The following PSMD1 variants were observed in gnomAD, a reference collection of about 807,000 sequenced individuals.
PSMD1 encodes 26S proteasome non-ATPase regulatory subunit 1.
Under a neutral mutation model 119.0 loss-of-function variants are expected in PSMD1, and 18 were observed. The ratio of observed to expected loss-of-function variants is 0.15; its 90% CI spans 0.10 to 0.22. PSMD1 has a LOEUF of 0.22. Among genes scored for constraint, PSMD1 ranks in the 10% least tolerant of loss-of-function variants. PSMD1 has a pLI of 1.00. For missense variants in PSMD1, 702 were observed against 1,158.5 expected (o/e 0.61, Z 5.72); for synonymous variants, 374 against 396.6 (o/e 0.94, Z 0.68).
intron 16 of PSMD1, among the ~76,000 whole-genome samples, chr2:231,112,942 A>C (rs1441078825): frequency 5.3e-5 from 8 of 152,112 alleles, no homozygotes; most frequent in African/African-American, 1.9e-4. Flanking sequence ...GGGCAGGGGG[A>C]TCGCCAGAGC....
intron 16 of PSMD1, among the ~76,000 whole-genome samples, chr2:231,120,514 T>C (rs1217006624): frequency 1.3e-5 from 2 of 152,148 alleles, no homozygotes; most frequent in Non-Finnish European, 2.9e-5. Flanking sequence ...GGCAGAAAAA[T>C]TGACCTAGCA....
chr2:231,118,954 A>G (rs1695439311), intron 16 of PSMD1, among the ~76,000 whole-genome samples: 1 of 151,842 alleles, frequency 6.6e-6, no homozygotes, highest in Non-Finnish European at 1.5e-5. Context: ...CAGAAATTCT[A>G]ATGCTTCTGT....
intron 17 of PSMD1, 195 bp downstream of exon 17, chr2:231,139,045 C>T (rs1574763866): frequency 4.5e-6 from 3 of 667,390 alleles, no homozygotes; most frequent in South Asian, 3.2e-5. Flanking sequence ...TAAATCGTCA[C>T]ATTACATGGA....
intron 1 of PSMD1, among the ~76,000 whole-genome samples, chr2:231,057,712 G>C (rs778809261): frequency 6.6e-6 from 1 of 152,260 alleles, no homozygotes; most frequent in African/African-American, 2.4e-5. Context: ...AGAAAGAATG[G>C]ATGGATCTGC....
chr2:231,104,375 AATAAG>A (rs1694933021), intron 16 of PSMD1, among the ~76,000 whole-genome samples: 1 of 152,150 alleles, frequency 6.6e-6, no homozygotes, highest in African/African-American at 2.4e-5. Context: ...AGTATAGTCA[AATAAG>A]TTATTTATGT....
chr2:231,133,249 T>A (rs973337089), intron 16 of PSMD1, among the ~76,000 whole-genome samples: 5 of 152,138 alleles, frequency 3.3e-5, no homozygotes, highest in African/African-American at 1.2e-4. Context: ...CACACCCGGC[T>A]AATTTTTGTA....
At chr2:231,084,012 A>G (rs1307180495) in intron 14 of PSMD1, among the ~76,000 whole-genome samples, 2 of 152,200 alleles carry the variant, frequency 1.3e-5, no homozygotes, top group Admixed American at 6.5e-5. Flanking sequence ...AAGCAGATTC[A>G]GCATAGTTCT....
At chr2:231,138,992 T>C (rs1339711468) in intron 17 of PSMD1, 142 bp downstream of exon 17, 1 of 729,932 alleles carries the variant, frequency 1.4e-6, no homozygotes. Flanking sequence ...TTCCCAGTAC[T>C]CCCTCATTCT....
At chr2:231,061,369 T>G in intron 2 of PSMD1, 59 bp downstream of exon 2, 1 of 1,348,468 alleles carries the variant, frequency 7.4e-7, no homozygotes, top group Non-Finnish European at 1.0e-6. Context: ...CCTTTTGAAT[T>G]TAGTGATATC....
intron 19 of PSMD1, among the ~76,000 whole-genome samples, chr2:231,156,533 C>T (rs1159406929): frequency 6.6e-6 from 1 of 152,058 alleles, no homozygotes. Context: ...AGTCCCTGAC[C>T]TTTTTACTGT....
chr2:231,076,174 AG>A (rs1167173610), intron 8 of PSMD1, among the ~76,000 whole-genome samples: 1 of 152,150 alleles, frequency 6.6e-6, no homozygotes, highest in African/African-American at 2.4e-5. Context: ...GGTGAAAAAA[AG>A]GTATGGTCTC....
intron 16 of PSMD1, among the ~76,000 whole-genome samples, chr2:231,116,429 G>C (rs184686310): frequency 1.4e-3 from 209 of 152,016 alleles, no homozygotes; most frequent in Admixed American, 3.1e-3. Flanking sequence ...TACTCTCTCT[G>C]TAACATCTTT....
chr2:231,165,755 T>G, intron 22 of PSMD1, 116 bp from the exon 23 acceptor site: 1 of 869,878 alleles, frequency 1.1e-6, no homozygotes, highest in South Asian at 2.0e-5. Context: ...GTACTTCCAT[T>G]ACTACCGACC....
chr2:231,140,685 C>T (rs1696086327), intron 17 of PSMD1, among the ~76,000 whole-genome samples: 1 of 151,750 alleles, frequency 6.6e-6, no homozygotes, highest in South Asian at 2.1e-4. Flanking sequence ...CAAGACCAGC[C>T]TGGGCAACAT....
At position 231,080,327 on chromosome 2, in the gene PSMD1, AT is replaced by A. The variant is rs756599547; in HGVS notation, c.1413+14del. The A allele has an allele frequency of 6.5e-7, 1 of 1,543,016 alleles. No homozygotes were observed. The highest frequency in any genetic ancestry group is 1.9e-5 in the Admixed American group (1 of 53,344). ...CGCCAGCAATGATGTAAGTATTAAAATGGAAAACTAAATTTCCAAAACTCAA... is the reference window on the plus strand; with the variant it reads ...CGCCAGCAATGATGTAAGTATTAAAAGGAAAACTAAATTTCCAAAACTCAA... On this transcript the variant is annotated intron_variant, in intron 12 of 24. Transcript: ENST00000308696.
In PSMD1 at chr2:231,146,283, A is replaced by G; in HGVS notation, c.2042A>G (p.Asn681Ser). The change falls in exon 18 of 25, where the codon AAC (asparagine) becomes AGC (serine). Residue 681 changes from asparagine (N) to serine (S), a missense_variant. Coordinates refer to ENST00000308696, the MANE Select transcript of PSMD1 (RefSeq NM_002807.4). ...LLEPMTNDPVNYVRQGALIAS... is the reference protein window; with the variant it reads ...LLEPMTNDPVSYVRQGALIAS... ...GAACCAATGACAAACGACCCCGTGA[A>G]CTACGTGAGGCAAGGGGCACTCATA... The G allele has an allele frequency of 6.2e-7, 1 of 1,613,980 alleles. No individual in the cohort carries two copies. Among genetic ancestry groups the G allele is most frequent in the Non-Finnish European group, 8.5e-7 (1 of 1,179,890 alleles).
chr2:231,088,035 G>A (rs1379307056), intron 16 of PSMD1, among the ~76,000 whole-genome samples: 1 of 151,338 alleles, frequency 6.6e-6, no homozygotes, highest in Non-Finnish European at 1.5e-5. Flanking sequence ...CTTACTAGCT[G>A]AATGACTTTC....
intron 16 of PSMD1, among the ~76,000 whole-genome samples, chr2:231,105,596 C>G (rs1365807300): frequency 6.6e-6 from 1 of 151,942 alleles, no homozygotes; most frequent in Non-Finnish European, 1.5e-5. Context: ...GGTGCTATGA[C>G]TTAGGCTGTT....
In PSMD1 at chr2:231,154,070, G is replaced by A. The variant is rs191797003; in HGVS notation, c.2218+404G>A. ...GGAGGTTGCAGTGAGTCGAGATCGC[G>A]CCATTGCACTCCAGCCGGGGCAACA... On this transcript the variant is annotated intron_variant, in intron 19 of 24. Coordinates refer to ENST00000308696, the MANE Select transcript of PSMD1 (RefSeq NM_002807.4). 5.9e-3 allele frequency among the ~76,000 whole-genome samples: 888 copies of A among 150,966 alleles called. 4 individuals carry two copies. The highest frequency in any genetic ancestry group is 0.016 in the South Asian group (75 of 4,730).
Sources: allele counts gnomAD v4.1 joint callset (sites outside exome capture counted in the v4.1 genomes callset), GRCh38; gene constraint gnomAD v4.1.1; transcripts MANE v1.5; gene names NCBI Gene and HGNC (gene_info 2026-07-23, HGNC 2026-07-21).